GAPVD1: variants seen among roughly 807,000 people sequenced by gnomAD.
GAPVD1 encodes GTPase activating protein and VPS9 domains 1.
In GAPVD1, 35 loss-of-function variants were observed where a neutral mutation model predicts 155.5. The observed-to-expected ratio is 0.23, with a 90% confidence interval of 0.17 to 0.30. The LOEUF (loss-of-function observed/expected upper bound fraction) is 0.30. Ranked by LOEUF, GAPVD1 falls within the 10% of genes least tolerant of loss-of-function variation. The pLI, the probability that GAPVD1 is intolerant of heterozygous loss-of-function variation, is 1.00. For synonymous variants in GAPVD1, 636 were observed against 619.7 expected, an observed-to-expected ratio of 1.03 and a Z score of -0.39; for missense variants, 1,429 against 1,775.7, an observed-to-expected ratio of 0.80 and a Z score of 3.51.
intron 27 of GAPVD1, among the ~76,000 whole-genome samples, chr9:125,361,759 A>T (rs1202699901): frequency 6.6e-6 from 1 of 152,134 alleles, no homozygotes; most frequent in East Asian, 1.9e-4. Flanking sequence ...TTGACTTTAA[A>T]ATTAAAGTTT....
rs758012120 is a variant in GAPVD1 at position 125,337,432 on chromosome 9, A to G, written c.2718A>G (p.Val906=). 8 of 1,614,056 alleles carry G rather than the reference A, an allele frequency of 5.0e-6. No homozygotes were observed. The highest frequency in any genetic ancestry group is 2.2e-5 in the East Asian group (1 of 44,894). Residue 906 remains valine, a synonymous_variant, in exon 17 of 28, where the codon GTA becomes GTG. Transcript: ENST00000297933. ...TTCGAAGCAGGAGCTCTGATATAGT[A>G]TCTTCTGTCCGGAGACCCATGAGTG... ...RLVRSRSSDI[V]SSVRRPMSDP...
chr9:125,323,126 G>T (rs1177443021), intron 10 of GAPVD1, among the ~76,000 whole-genome samples: 2 of 150,948 alleles, frequency 1.3e-5, no homozygotes, highest in African/African-American at 4.9e-5. Flanking sequence ...TATTTTTTGA[G>T]ATGGAGTCTC....
chr9:125,336,279 T>C (rs974538421), intron 15 of GAPVD1, among the ~76,000 whole-genome samples: 6 of 137,732 alleles, frequency 4.4e-5, no homozygotes, highest in East Asian at 4.1e-4. Flanking sequence ...TCAAAAGATA[T>C]AGCTTGAGAC....
rs553056484 is a variant in GAPVD1, at chr9:125,352,890, C to T, written c.3570-1764C>T. Among the ~76,000 whole-genome samples the T allele has an allele frequency of 3.0e-4, 46 of 152,104 alleles. No homozygotes were observed. In the East Asian group the frequency reaches 6.0e-3, roughly 20 times the overall value. On this transcript the variant is annotated intron_variant, in intron 23 of 27. Transcript: ENST00000297933. ...GGGAGGCCAAGGCAGGTGGATCACC[C>T]GAGGTCAGGAGTTCAAGACCAGCCT...
intron 4 of GAPVD1, among the ~76,000 whole-genome samples, chr9:125,301,565 C>T (rs894434901): frequency 6.6e-6 from 1 of 151,972 alleles, no homozygotes; most frequent in Non-Finnish European, 1.5e-5. Flanking sequence ...TCTCCTGCCT[C>T]AATTTTCCAA....
At chr9:125,327,019 G>A (rs751525031) in intron 12 of GAPVD1, among the ~76,000 whole-genome samples, 3 of 152,060 alleles carry the variant, frequency 2.0e-5, no homozygotes. Context: ...ATATGATACT[G>A]CTGTTCTCTA....
At position 125,329,765 on chromosome 9, in the gene GAPVD1, C is replaced by G. The variant is rs552370029; in HGVS notation, c.2033-313C>G. Among the ~76,000 whole-genome samples the G allele has an allele frequency of 4.6e-3, 705 of 152,104 alleles. 4 individuals carry two copies. The highest frequency in any genetic ancestry group is 8.1e-3 in the Non-Finnish European group (551 of 67,984). On this transcript the variant is annotated intron_variant, in intron 12 of 27. Coordinates refer to ENST00000297933, the MANE Select transcript of GAPVD1 (RefSeq NM_001282680.3). Reference sequence around the variant, plus strand: ...TCGGCTCACTGCAGTCTCTGCACCCCCTGCAACCTCTGCCTCCCGGGTTCT... The same window carrying G: ...TCGGCTCACTGCAGTCTCTGCACCCGCTGCAACCTCTGCCTCCCGGGTTCT...
chr9:125,323,481 A>G (rs987594739), intron 10 of GAPVD1, among the ~76,000 whole-genome samples: 2 of 151,878 alleles, frequency 1.3e-5, no homozygotes, highest in Non-Finnish European at 2.9e-5. Context: ...AAATTTTTAT[A>G]TTTTTAGTAG....
At chr9:125,285,413 T>C (rs998224612) in intron 2 of GAPVD1, among the ~76,000 whole-genome samples, 1 of 151,908 alleles carries the variant, frequency 6.6e-6, no homozygotes, top group Admixed American at 6.6e-5. Context: ...TCTCAAAATC[T>C]GATTAATATG....
At chr9:125,307,649 G>T in intron 7 of GAPVD1, 42 bp from the exon 8 acceptor site, 1 of 1,581,878 alleles carries the variant, frequency 6.3e-7, no homozygotes. Context: ...TATTGTATTT[G>T]AAAAAGTGAT....
chr9:125,335,278 C>CA, intron 15 of GAPVD1: 1 of 656,514 alleles, frequency 1.5e-6, no homozygotes, highest in Non-Finnish European at 2.8e-6. Flanking sequence ...AAAATACTTG[C>CA]AAAAAATGTG....
At chr9:125,340,586 T>C (rs10114684) in intron 17 of GAPVD1, among the ~76,000 whole-genome samples, 77,888 of 151,880 alleles carry the variant, frequency 0.51, 20,113 homozygotes, top group Middle Eastern at 0.59. Context: ...ATAGTACACA[T>C]TTGGTTTTAT....
Position 125,337,236 on chromosome 9 carries a change from T to C in GAPVD1, c.2522T>C (p.Val841Ala), listed in dbSNP as rs1395624186. Residue 841 changes from valine (V) to alanine (A), a missense_variant, in exon 17 of 28, where the codon GTA (valine) becomes GCA (alanine). Around this residue, in one of 4 missense-constraint regions of GAPVD1, gnomAD observed 699 missense variants for 826.0 expected, o/e 0.85. Coordinates refer to ENST00000297933, the MANE Select transcript of GAPVD1 (RefSeq NM_001282680.3). ...LSSHEGASAV[V>A]RPKVHYARPS... ...TGTGTTGCAGGGGCTTCTGCTGTGG[T>C]AAGGCCAAAGGTTCACTATGCTAGG... 1 of 1,613,954 alleles carries C rather than the reference T, an allele frequency of 6.2e-7. No homozygotes were observed. Among genetic ancestry groups the C allele is most frequent in the Non-Finnish European group, 8.5e-7 (1 of 1,179,946 alleles).
In GAPVD1 at chr9:125,302,021, A is replaced by G; in HGVS notation, c.224A>G (p.Lys75Arg). 6.2e-7 allele frequency: 1 copy of G among 1,602,570 alleles called. No homozygotes were observed. The highest frequency in any genetic ancestry group is 1.3e-5 in the African/African-American group (1 of 74,356). ...ASPAECCQHA[K>R]ILEDTQFVDG... The stretch of plus-strand genomic sequence containing the variant: ...CCTGCTGAATGTTGCCAACATGCCA[A>G]AATTTTGGAAGATACACAATTTGTT... The change falls in exon 5 of 28, where the codon AAA becomes AGA. Residue 75 changes from lysine (K) to arginine (R), a missense_variant. Physicochemically the swap from Lys to Arg is conservative, Grantham distance 26. Coordinates refer to ENST00000297933, the MANE Select transcript of GAPVD1 (RefSeq NM_001282680.3).
intron 17 of GAPVD1, among the ~76,000 whole-genome samples, chr9:125,338,781 GTAAAGT>G (rs1442251882): frequency 6.6e-6 from 1 of 152,150 alleles, no homozygotes; most frequent in African/African-American, 2.4e-5. Context: ...CTTTGCCACT[GTAAAGT>G]TACTCTTTTA....
intron 12 of GAPVD1, among the ~76,000 whole-genome samples, chr9:125,328,997 CCTGCAGTCGCAGGCACTCGG>C (rs918248064): frequency 7.3e-4 from 107 of 145,992 alleles, no homozygotes; most frequent in Middle Eastern, 3.5e-3. Flanking sequence ...GCGGCGCGTG[CCTGCAGTCGCAGGCACTCGG>C]CAGGCTGAGG....
intron 2 of GAPVD1, among the ~76,000 whole-genome samples, chr9:125,294,671 A>G (rs926015498): frequency 3.3e-5 from 4 of 122,874 alleles, no homozygotes; most frequent in Middle Eastern, 4.2e-3. Context: ...TTTTTTTTTC[A>G]AACTTTCCTA....
rs995177962 is a variant in GAPVD1 at position 125,362,590 on chromosome 9, T to C, written c.4243-16T>C. On this transcript the variant is annotated splice_polypyrimidine_tract_variant and intron_variant, in intron 27 of 27. Coordinates refer to ENST00000297933, the MANE Select transcript of GAPVD1 (RefSeq NM_001282680.3). ...CATCTGAGTAATTGATTCTTTTTTA[T>C]TTTTCACTTCTCTAGGCAAATCCAC... 9 of 1,576,904 alleles carry C rather than the reference T, an allele frequency of 5.7e-6. No homozygotes were observed. In the African/African-American group the frequency reaches 1.1e-4, roughly 19 times the overall value.
At chr9:125,280,949 TA>T (rs774287082) in intron 2 of GAPVD1, among the ~76,000 whole-genome samples, 58 of 152,310 alleles carry the variant, frequency 3.8e-4, no homozygotes, top group Middle Eastern at 3.4e-3. Flanking sequence ...TAGCTTTTCT[TA>T]AACTATTCTG....
Sources: allele counts gnomAD v4.1 joint callset (sites outside exome capture counted in the v4.1 genomes callset), GRCh38; gene constraint gnomAD v4.1.1; regional missense constraint gnomAD v4.1.1; transcripts MANE v1.5; gene names NCBI Gene and HGNC (gene_info 2026-07-23, HGNC 2026-07-21).